The following MARCHF1 variants were observed in gnomAD, a reference collection of about 807,000 sequenced individuals.
The protein encoded by MARCHF1 is E3 ubiquitin-protein ligase MARCHF1.
MARCHF1 carries 40 observed loss-of-function variants against 54.2 expected under a neutral mutation model. The ratio of observed to expected loss-of-function variants is 0.74; its 90% CI spans 0.57 to 0.96. The LOEUF is 0.96. Ranked by LOEUF, MARCHF1 falls within the 40% of genes least tolerant of loss-of-function variation. The pLI, the probability that MARCHF1 is intolerant of heterozygous loss-of-function variation, is 0.00. For synonymous variants in MARCHF1, 236 were observed against 236.3 expected, an observed-to-expected ratio of 1.00 and a Z score of 0.01; for missense variants, 586 against 656.5, an observed-to-expected ratio of 0.89 and a Z score of 1.17.
chr4:163,749,110 G>T (rs1746445173), intron 4 of MARCHF1, among the ~76,000 whole-genome samples: 1 of 151,822 alleles, frequency 6.6e-6, no homozygotes, highest in South Asian at 2.1e-4. Flanking sequence ...TCAGTATACT[G>T]ATCTTGTATC....
chr4:163,846,592 T>C (rs1184368136), intron 4 of MARCHF1, among the ~76,000 whole-genome samples: 1 of 152,132 alleles, frequency 6.6e-6, no homozygotes, highest in Non-Finnish European at 1.5e-5. Context: ...GGAAACTATC[T>C]GCAATATTCT....
rs1027863779 is a variant in MARCHF1, at chr4:163,528,731, A to G, written c.*17T>C. The G allele has an allele frequency of 1.9e-6, 3 of 1,587,688 alleles. No individual in the cohort carries two copies. Among genetic ancestry groups the G allele is most frequent in the Non-Finnish European group, 2.6e-6 (3 of 1,165,584 alleles). ...TAGAAAGATATTCTTCGGTGAAGAAACTCCCAACAGGTTCCATCAGACTGA... is the reference window on the plus strand; with the variant it reads ...TAGAAAGATATTCTTCGGTGAAGAAGCTCCCAACAGGTTCCATCAGACTGA... On this transcript the variant is annotated 3_prime_UTR_variant, in exon 10 of 10. Transcript: ENST00000514618.
chr4:164,091,967 G>A (rs561756014), intron 2 of MARCHF1, among the ~76,000 whole-genome samples: 74 of 151,904 alleles, frequency 4.9e-4, no homozygotes, highest in Non-Finnish European at 8.8e-4. Context: ...GACCCAAAAT[G>A]TGCATGTCTG....
At chr4:163,965,621 T>A (rs62348069) in intron 3 of MARCHF1, among the ~76,000 whole-genome samples, 1 of 152,178 alleles carries the variant, frequency 6.6e-6, no homozygotes, top group Non-Finnish European at 1.5e-5. Flanking sequence ...CTACTGTACA[T>A]GACATTTTAA....
chr4:163,867,972 G>T (rs1750090387), intron 3 of MARCHF1, among the ~76,000 whole-genome samples: 2 of 151,546 alleles, frequency 1.3e-5, no homozygotes, highest in Non-Finnish European at 1.5e-5. Context: ...GCAATATTTT[G>T]CCTGGTTACT....
At chr4:164,208,921 G>C (rs1479567229) in intron 1 of MARCHF1, among the ~76,000 whole-genome samples, 1 of 151,846 alleles carries the variant, frequency 6.6e-6, no homozygotes, top group Non-Finnish European at 1.5e-5. Context: ...CTCTAGTTTA[G>C]GCAACAGAGT....
intron 4 of MARCHF1, among the ~76,000 whole-genome samples, chr4:163,772,953 A>G (rs190419094): frequency 1.2e-4 from 18 of 152,278 alleles, no homozygotes; most frequent in African/African-American, 3.8e-4. Flanking sequence ...TGTGGTGGCA[A>G]ATTTATAAAT....
intron 5 of MARCHF1, among the ~76,000 whole-genome samples, chr4:163,635,648 C>T (rs1424259635): frequency 3.0e-4 from 45 of 149,916 alleles, no homozygotes; most frequent in Admixed American, 1.3e-4. Flanking sequence ...GATTCACAGC[C>T]GAATTCTACC....
intron 2 of MARCHF1, among the ~76,000 whole-genome samples, chr4:164,074,900 T>G (rs1312254745): frequency 1.3e-5 from 2 of 150,890 alleles, no homozygotes; most frequent in Non-Finnish European, 3.0e-5. Flanking sequence ...AAAATATATT[T>G]CTTATAAAAT....
intron 1 of MARCHF1, among the ~76,000 whole-genome samples, chr4:164,144,733 T>G (rs1309393190): frequency 8.2e-6 from 1 of 121,690 alleles, no homozygotes; most frequent in Non-Finnish European, 1.6e-5. Flanking sequence ...AGATCCAAAA[T>G]TGACACCCTA....
At chr4:163,746,961 G>T (rs1746379526) in intron 4 of MARCHF1, among the ~76,000 whole-genome samples, 1 of 152,148 alleles carries the variant, frequency 6.6e-6, no homozygotes, top group East Asian at 1.9e-4. Context: ...GCTTGTCTTT[G>T]ATCTTGAGCA....
intron 5 of MARCHF1, among the ~76,000 whole-genome samples, chr4:163,632,659 G>A (rs1367699977): frequency 1.3e-5 from 2 of 152,194 alleles, no homozygotes; most frequent in African/African-American, 2.4e-5. Flanking sequence ...AGGCGGCAGC[G>A]AGGCTGGGGG....
At chr4:163,537,759 C>A (rs998880104) in intron 9 of MARCHF1, among the ~76,000 whole-genome samples, 2 of 152,212 alleles carry the variant, frequency 1.3e-5, no homozygotes, top group African/African-American at 4.8e-5. Context: ...TGTAGTCTCT[C>A]ATATTAACTT....
At chr4:163,721,884 A>T (rs1315457921) in intron 4 of MARCHF1, among the ~76,000 whole-genome samples, 1 of 151,942 alleles carries the variant, frequency 6.6e-6, no homozygotes, top group Non-Finnish European at 1.5e-5. Context: ...CATCCCTTTT[A>T]TCATTTTTTA....
At chr4:163,906,393 G>T (rs763333818) in intron 3 of MARCHF1, among the ~76,000 whole-genome samples, 4 of 152,020 alleles carry the variant, frequency 2.6e-5, no homozygotes, top group Non-Finnish European at 5.9e-5. Context: ...GGGAAGAAAA[G>T]ACTAGAATCT....
intron 3 of MARCHF1, among the ~76,000 whole-genome samples, chr4:163,878,919 T>A (rs1750353911): frequency 6.6e-6 from 1 of 152,200 alleles, no homozygotes; most frequent in Non-Finnish European, 1.5e-5. Context: ...TGGATATGAC[T>A]GTGAGTAGTT....
intron 4 of MARCHF1, among the ~76,000 whole-genome samples, chr4:163,785,004 C>T (rs904064565): frequency 4.6e-5 from 7 of 152,010 alleles, no homozygotes; most frequent in Admixed American, 6.6e-5. Context: ...TGTTCTCAAC[C>T]GATATTCTTT....
chr4:164,028,137 T>A (rs745722022), intron 2 of MARCHF1, among the ~76,000 whole-genome samples: 1 of 152,204 alleles, frequency 6.6e-6, no homozygotes, highest in Admixed American at 6.5e-5. Context: ...TGTCCATTAA[T>A]TCAGCCACTG....
At chr4:164,166,685 A>C (rs1209344764) in intron 1 of MARCHF1, among the ~76,000 whole-genome samples, 1 of 151,848 alleles carries the variant, frequency 6.6e-6, no homozygotes, top group African/African-American at 2.4e-5. Flanking sequence ...AAGCATTCAA[A>C]TAAGAATGGA....
Sources: gnomAD v4.1 joint callset for allele counts (sites outside exome capture counted in the v4.1 genomes callset) on GRCh38, gnomAD v4.1.1 for gene constraint, MANE v1.5 for transcripts, NCBI Gene and HGNC (gene_info 2026-07-23, HGNC 2026-07-21) for gene names.